The following KCNMA1 variants were observed in gnomAD, a reference collection of about 807,000 sequenced individuals.
KCNMA1 encodes the protein Calcium-activated potassium channel subunit alpha-1.
KCNMA1 carries 29 observed loss-of-function variants against 140.0 expected under a neutral mutation model. The ratio of observed to expected loss-of-function variants is 0.21; its 90% CI spans 0.15 to 0.28. The LOEUF (loss-of-function observed/expected upper bound fraction) is 0.28, where lower values mean the gene tolerates loss of function less well. Ranked by LOEUF, KCNMA1 falls within the 10% of genes least tolerant of loss-of-function variation. The pLI is 1.00. For missense variants in KCNMA1, 880 were observed against 1,602.2 expected, an observed-to-expected ratio of 0.55 and a Z score of 7.70; for synonymous variants, 612 against 611.9, an observed-to-expected ratio of 1.00 and a Z score of 0.00.
intron 3 of KCNMA1, among the ~76,000 whole-genome samples, chr10:77,242,661 A>G (rs927866321): frequency 3.3e-5 from 5 of 152,128 alleles, no homozygotes; most frequent in Non-Finnish European, 7.3e-5. Context: ...TATAATTTAA[A>G]TGTCTTAATG....
intron 1 of KCNMA1, among the ~76,000 whole-genome samples, chr10:77,626,973 C>G (rs1439788778): frequency 2.0e-5 from 3 of 152,184 alleles, no homozygotes; most frequent in Non-Finnish European, 4.4e-5. Flanking sequence ...GTCAACCTCT[C>G]CCTCTACCTC....
At chr10:77,408,203 T>C (rs2096533098) in intron 1 of KCNMA1, among the ~76,000 whole-genome samples, 1 of 152,214 alleles carries the variant, frequency 6.6e-6, no homozygotes, top group Non-Finnish European at 1.5e-5. Flanking sequence ...CCGTTCTTGC[T>C]CCTGGCCCCA....
chr10:77,142,406 C>G (rs936015603), intron 5 of KCNMA1, among the ~76,000 whole-genome samples: 2 of 149,718 alleles, frequency 1.3e-5, no homozygotes, highest in African/African-American at 2.5e-5. Flanking sequence ...AAAAAGAAAA[C>G]AAAAAAGAAA....
Position 77,063,628 on chromosome 10 carries a change from C to T in KCNMA1, c.1749+9469G>A, listed in dbSNP as rs555952844. 95 of 613,270 alleles carry T rather than the reference C, an allele frequency of 1.5e-4. 1 individual carries two copies. The African/African-American group carries it at 1.8e-3, about 12-fold the overall frequency. 38.0% of individuals were successfully genotyped at this position (613,270 alleles called of 1,614,324 possible). A position where few individuals can be genotyped will look rare whatever the true frequency, so the allele number is the denominator to read the frequency against. On this transcript the variant is annotated intron_variant, in intron 14 of 27. Coordinates refer to ENST00000286628, the MANE Select transcript of KCNMA1 (RefSeq NM_001161352.2). ...AAATTCCTCATCATTGTTCTGGACA[C>T]AGATTCACACTTAAAATCACCTTAG...
intron 9 of KCNMA1, among the ~76,000 whole-genome samples, chr10:77,103,673 T>G (rs2097145182): frequency 1.3e-5 from 2 of 152,174 alleles, no homozygotes; most frequent in South Asian, 4.1e-4. Flanking sequence ...GTGGTTCATC[T>G]GTCTGTCCTT....
intron 1 of KCNMA1, among the ~76,000 whole-genome samples, chr10:77,573,732 T>C (rs1357888523): frequency 6.6e-6 from 1 of 150,782 alleles, no homozygotes; most frequent in Non-Finnish European, 1.5e-5. Flanking sequence ...AGAATAGGTC[T>C]GTACCTCGCT....
intron 1 of KCNMA1, among the ~76,000 whole-genome samples, chr10:77,470,932 C>T (rs1329355901): frequency 6.6e-6 from 1 of 152,108 alleles, no homozygotes; most frequent in East Asian, 1.9e-4. Context: ...ATGAAGCAGG[C>T]AAGAGGGCCT....
chr10:77,142,696 A>G (rs2574804), intron 5 of KCNMA1, among the ~76,000 whole-genome samples: 57,456 of 152,016 alleles, frequency 0.38, 11,997 homozygotes, highest in East Asian at 0.88. Context: ...GAAATTGGTG[A>G]GAAACTAACT....
chr10:77,171,396 T>C (rs1000928555), intron 5 of KCNMA1, among the ~76,000 whole-genome samples: 1 of 72,350 alleles, frequency 1.4e-5, no homozygotes. Context: ...CGTGTGTGTG[T>C]GTGCGTGTGT....
chr10:77,374,090 C>T (rs1271806497), intron 2 of KCNMA1, among the ~76,000 whole-genome samples: 1 of 152,154 alleles, frequency 6.6e-6, no homozygotes, highest in East Asian at 1.9e-4. Context: ...GCCCTGTCCA[C>T]AATCACCCAG....
intron 1 of KCNMA1, among the ~76,000 whole-genome samples, chr10:77,614,297 T>C (rs879511884): frequency 6.6e-6 from 1 of 152,126 alleles, no homozygotes; most frequent in Non-Finnish European, 1.5e-5. Context: ...ACCAGAGACA[T>C]GCCACGTGTT....
chr10:77,171,206 G>T (rs2098702047), intron 5 of KCNMA1, among the ~76,000 whole-genome samples: 1 of 152,128 alleles, frequency 6.6e-6, no homozygotes. Flanking sequence ...TACTGAATCT[G>T]AAACTCTGGG....
At position 77,496,005 on chromosome 10, in the gene KCNMA1, G is replaced by A. The variant is rs551709332; in HGVS notation, c.379-91982C>T. ...CTGCCAAAGGTTCTGGGCAGCCATC[G>A]GTCTGATAAAGACACAGAGCCCTCC... is the stretch of plus-strand genomic sequence containing the variant. On this transcript the variant is annotated intron_variant, in intron 1 of 27. Coordinates refer to ENST00000286628, the MANE Select transcript of KCNMA1 (RefSeq NM_001161352.2). Among the ~76,000 whole-genome samples, 6 of 152,274 alleles carry A rather than the reference G, an allele frequency of 3.9e-5. 1 individual carries two copies. The South Asian group carries it at 1.0e-3, about 26-fold the overall frequency.
intron 1 of KCNMA1, among the ~76,000 whole-genome samples, chr10:77,514,001 C>A (rs2049351629): frequency 1.3e-5 from 2 of 152,254 alleles, no homozygotes; most frequent in African/African-American, 4.8e-5. Context: ...CACAGATGGC[C>A]TGTCACTCCC....
chr10:77,078,480 C>G (rs2096467663), intron 13 of KCNMA1, among the ~76,000 whole-genome samples: 1 of 152,212 alleles, frequency 6.6e-6, no homozygotes, highest in South Asian at 2.1e-4. Context: ...AATCAATCCC[C>G]CACTGTAAGC....
intron 23 of KCNMA1, among the ~76,000 whole-genome samples, chr10:76,934,033 C>T (rs770162121): frequency 5.3e-5 from 8 of 152,028 alleles, no homozygotes; most frequent in East Asian, 1.9e-4. Context: ...AGGGCAATGG[C>T]GCAATCTCGG....
intron 2 of KCNMA1, among the ~76,000 whole-genome samples, chr10:77,369,430 T>C (rs2094547945): frequency 6.6e-6 from 1 of 152,212 alleles, no homozygotes; most frequent in Non-Finnish European, 1.5e-5. Flanking sequence ...CAGCCATGTG[T>C]GAACCTCTAC....
chr10:77,462,546 T>C (rs169661), intron 1 of KCNMA1, among the ~76,000 whole-genome samples: 120,220 of 152,198 alleles, frequency 0.79, 47,916 homozygotes, highest in African/African-American at 0.9. Flanking sequence ...TATGCACACA[T>C]GGATAAACAC....
At chr10:77,457,879 AG>A (rs555038182) in intron 1 of KCNMA1, among the ~76,000 whole-genome samples, 17 of 152,212 alleles carry the variant, frequency 1.1e-4, no homozygotes, top group African/African-American at 3.9e-4. Flanking sequence ...CAGGAAAAAA[AG>A]TTATATAGGA....
Sources: allele counts gnomAD v4.1 joint callset (sites outside exome capture counted in the v4.1 genomes callset), GRCh38; gene constraint gnomAD v4.1.1; transcripts MANE v1.5; gene names NCBI Gene and HGNC (gene_info 2026-07-23, HGNC 2026-07-21).